SCML4: variants seen among roughly 807,000 people sequenced by gnomAD.
SCML4 encodes Scm polycomb group protein like 4.
SCML4 carries 34 observed loss-of-function variants against 41.1 expected under a neutral mutation model. That is an observed-to-expected ratio of 0.83 (90% CI 0.63 to 1.10). The LOEUF is 1.10. Among genes scored for constraint, SCML4 ranks in the 50% least tolerant of loss-of-function variants. SCML4 has a pLI of 0.00. For missense variants in SCML4, 522 were observed against 534.1 expected, an observed-to-expected ratio of 0.98 and a Z score of 0.22; for synonymous variants, 214 against 220.9, an observed-to-expected ratio of 0.97 and a Z score of 0.28.
intron 1 of SCML4, among the ~76,000 whole-genome samples, chr6:107,804,755 T>C (rs1244575982): frequency 6.6e-6 from 1 of 152,098 alleles, no homozygotes; most frequent in African/African-American, 2.4e-5. Flanking sequence ...GGCGGAAGGA[T>C]TGCTTGAGCC....
the SCML4 span, among the ~76,000 whole-genome samples, chr6:107,830,450 A>G: frequency 1.3e-5 from 2 of 152,204 alleles, no homozygotes; most frequent in African/African-American, 4.8e-5. Context: ...GGGTGAGGGC[A>G]GGTGACTGAC....
chr6:107,722,059 G>A (rs1398180020), intron 5 of SCML4, among the ~76,000 whole-genome samples: 2 of 147,308 alleles, frequency 1.4e-5, no homozygotes, highest in African/African-American at 5.0e-5. Context: ...GTGCGATCTC[G>A]GCTCACTGCA....
chr6:107,810,642 T>C (rs560265035), intron 1 of SCML4, among the ~76,000 whole-genome samples: 13 of 152,264 alleles, frequency 8.5e-5, no homozygotes, highest in African/African-American at 3.1e-4. Context: ...TAAGTAATAA[T>C]AGGCCATTAT....
intron 1 of SCML4, among the ~76,000 whole-genome samples, chr6:107,821,447 G>A (rs1360536005): frequency 6.6e-6 from 1 of 152,186 alleles, no homozygotes; most frequent in East Asian, 1.9e-4. Context: ...CCCACCAAAA[G>A]AAAGAAGCTT....
At chr6:107,763,553 ATTTTTGTG>A (rs1325106797) in intron 2 of SCML4, among the ~76,000 whole-genome samples, 1 of 151,936 alleles carries the variant, frequency 6.6e-6, no homozygotes, top group Non-Finnish European at 1.5e-5. Flanking sequence ...CACCCAGCTA[ATTTTTGTG>A]TTTTTAGTAG....
At chr6:107,825,074 A>C (rs1462864054), upstream of SCML4, among the ~76,000 whole-genome samples, 1 of 152,248 alleles carries the variant, frequency 6.6e-6, no homozygotes, top group Admixed American at 6.5e-5. Context: ...GGCAAGAGTG[A>C]CTATTCATTC....
intron 1 of SCML4, among the ~76,000 whole-genome samples, chr6:107,795,721 G>GT (rs1782659531): frequency 6.6e-6 from 1 of 152,062 alleles, no homozygotes; most frequent in South Asian, 2.1e-4. Flanking sequence ...TAGAGATGGT[G>GT]TTTCACCATG....
At chr6:107,716,312 G>A (rs1271270207) in intron 6 of SCML4, among the ~76,000 whole-genome samples, 2 of 152,052 alleles carry the variant, frequency 1.3e-5, no homozygotes, top group African/African-American at 2.4e-5. Flanking sequence ...AAACCCCTGG[G>A]GTTGTTTTGA....
intron 3 of SCML4, among the ~76,000 whole-genome samples, chr6:107,749,119 T>C (rs1259359081): frequency 6.6e-6 from 1 of 152,008 alleles, no homozygotes; most frequent in Non-Finnish European, 1.5e-5. Context: ...TCTGTGTGTG[T>C]GCGCGTGTGT....
At chr6:107,817,620 C>A (rs1233163412) in intron 1 of SCML4, among the ~76,000 whole-genome samples, 12 of 45,988 alleles carry the variant, frequency 2.6e-4, no homozygotes, top group African/African-American at 6.9e-4. Context: ...GACTTCATCT[C>A]AAAAAAAAAA....
rs9486713 is a variant in SCML4 at position 107,800,099 on chromosome 6, C to G, written c.-60+24027G>C. On this transcript the variant is annotated intron_variant, in intron 1 of 7. Transcript: ENST00000369020. Reference sequence around the variant, plus strand: ...CTCCTGGGTTCAAGCCATCCTCCCCCCTCAGCCTCCCGAGTAGTTGGAATA... The same window carrying G: ...CTCCTGGGTTCAAGCCATCCTCCCCGCTCAGCCTCCCGAGTAGTTGGAATA... Among the ~76,000 whole-genome samples the G allele has an allele frequency of 3.0e-4, 45 of 152,044 alleles. No homozygotes were observed. The East Asian group carries it at 7.2e-3, about 24-fold the overall frequency.
upstream of SCML4, among the ~76,000 whole-genome samples, chr6:107,827,354 AT>A (rs1364920750): frequency 1.4e-5 from 2 of 146,824 alleles, no homozygotes; most frequent in South Asian, 2.1e-4. Flanking sequence ...TTTTACTTAA[AT>A]TTTTTTATTT....
At chr6:107,736,362 A>T (rs1583447984) in intron 5 of SCML4, among the ~76,000 whole-genome samples, 1 of 152,196 alleles carries the variant, frequency 6.6e-6, no homozygotes, top group Non-Finnish European at 1.5e-5. Flanking sequence ...AGAAACAGGG[A>T]TGCACACCCC....
In SCML4 at chr6:107,816,445, A is replaced by T. The variant is rs367899109; in HGVS notation, c.-60+7681T>A. Among the ~76,000 whole-genome samples, 113 of 152,322 alleles carry T rather than the reference A, an allele frequency of 7.4e-4. 3 individuals are homozygous for T. In the South Asian group the frequency reaches 9.3e-3, roughly 13 times the overall value. On this transcript the variant is annotated intron_variant, in intron 1 of 7. Transcript: ENST00000369020. ...GATGCCATGATACTTGCCCTAGGTC[A>T]CACTGGTGGCCATGAAAATGGCTTT...
At chr6:107,825,088 T>C (rs1217384336), upstream of SCML4, among the ~76,000 whole-genome samples, 1 of 152,246 alleles carries the variant, frequency 6.6e-6, no homozygotes, top group Non-Finnish European at 1.5e-5. Flanking sequence ...TTCATTCCCA[T>C]GCCCCATTGC....
chr6:107,789,916 T>C (rs1419757406), intron 1 of SCML4, among the ~76,000 whole-genome samples: 1 of 152,212 alleles, frequency 6.6e-6, no homozygotes, highest in East Asian at 1.9e-4. Context: ...TATATTATTT[T>C]ATTAAATTCT....
intron 1 of SCML4, among the ~76,000 whole-genome samples, chr6:107,817,273 A>G (rs1003477022): frequency 1.3e-5 from 2 of 152,200 alleles, no homozygotes; most frequent in Non-Finnish European, 2.9e-5. Flanking sequence ...ACCTGAACAG[A>G]GATTTGGGCT....
chr6:107,751,378 G>A (rs1011650419), intron 2 of SCML4, among the ~76,000 whole-genome samples: 7 of 152,052 alleles, frequency 4.6e-5, no homozygotes, highest in African/African-American at 1.7e-4. Context: ...AGGCAATGTC[G>A]ATATCAAGCC....
intron 1 of SCML4, among the ~76,000 whole-genome samples, chr6:107,813,362 C>CAAAAA (rs1372894645): frequency 2.3e-5 from 2 of 88,872 alleles, no homozygotes; most frequent in African/African-American, 1.1e-4. Flanking sequence ...GACGCCATCT[C>CAAAAA]AAAAAAATTA....
Sources: gnomAD v4.1 joint callset for allele counts (sites outside exome capture counted in the v4.1 genomes callset) on GRCh38, gnomAD v4.1.1 for gene constraint, MANE v1.5 for transcripts, NCBI Gene and HGNC (gene_info 2026-07-23, HGNC 2026-07-21) for gene names.